EYS: variants seen among roughly 807,000 people sequenced by gnomAD.
EYS encodes the protein protein eyes shut homolog.
Under a neutral mutation model 282.1 loss-of-function variants are expected in EYS, and 250 were observed. That is an observed-to-expected ratio of 0.89 (90% confidence interval 0.80 to 0.98). EYS has a LOEUF of 0.98. Among genes scored for constraint, EYS ranks in the 50% least tolerant of loss-of-function variants. The pLI is 0.00. For synonymous variants in EYS, 1,355 were observed against 1,282.9 expected (o/e 1.06, Z -1.20); for missense variants, 4,016 against 3,709.0 (o/e 1.08, Z -2.15).
chr6:64,154,791 T>C (rs1357737381), intron 31 of EYS, among the ~76,000 whole-genome samples: 2 of 152,174 alleles, frequency 1.3e-5, no homozygotes, highest in Non-Finnish European at 2.9e-5. Context: ...ATATACACAA[T>C]TGTGTGTTCC....
chr6:65,577,448 A>G (rs1038419211), intron 2 of EYS, among the ~76,000 whole-genome samples: 1 of 151,912 alleles, frequency 6.6e-6, no homozygotes, highest in Non-Finnish European at 1.5e-5. Context: ...AGCCTTTAAC[A>G]TAAGACATGA....
chr6:64,182,826 T>A (rs898790854), intron 31 of EYS, among the ~76,000 whole-genome samples: 5 of 152,116 alleles, frequency 3.3e-5, no homozygotes, highest in Admixed American at 3.3e-4. Context: ...GTACACACTT[T>A]CCTGTGCCTG....
At chr6:65,117,747 G>T (rs1034604373) in intron 12 of EYS, among the ~76,000 whole-genome samples, 4 of 152,114 alleles carry the variant, frequency 2.6e-5, no homozygotes, top group Middle Eastern at 3.2e-3. Context: ...AAAAGAATGG[G>T]CAACTGAAAG....
intron 38 of EYS, among the ~76,000 whole-genome samples, chr6:63,788,767 C>T (rs1475080268): frequency 6.6e-6 from 1 of 152,214 alleles, no homozygotes; most frequent in Non-Finnish European, 1.5e-5. Context: ...TAAGCTAATA[C>T]TGGCCATTGT....
intron 20 of EYS, among the ~76,000 whole-genome samples, 200 bp downstream of exon 20, chr6:64,822,451 A>G (rs1764925891): frequency 6.6e-6 from 1 of 152,044 alleles, no homozygotes; most frequent in African/African-American, 2.4e-5. Context: ...ATGAACAGAA[A>G]TAAAAGAAGG....
At chr6:65,407,357 G>C (rs1004021110) in intron 5 of EYS, among the ~76,000 whole-genome samples, 2 of 152,090 alleles carry the variant, frequency 1.3e-5, no homozygotes, top group Non-Finnish European at 2.9e-5. Flanking sequence ...CTGCATTCAA[G>C]TGATTCTCCT....
chr6:63,884,360 A>G (rs765292326), intron 35 of EYS, among the ~76,000 whole-genome samples: 5 of 152,130 alleles, frequency 3.3e-5, no homozygotes, highest in Non-Finnish European at 5.9e-5. Flanking sequence ...GTAACTTTTC[A>G]CTTATTTTTA....
intron 31 of EYS, among the ~76,000 whole-genome samples, chr6:64,120,053 A>C (rs552569790): frequency 8.5e-5 from 13 of 152,140 alleles, no homozygotes; most frequent in South Asian, 6.2e-4. Flanking sequence ...TTTTAGAAAA[A>C]CGTATATCTT....
At chr6:64,322,851 A>T (rs948075588) in intron 29 of EYS, among the ~76,000 whole-genome samples, 1 of 152,062 alleles carries the variant, frequency 6.6e-6, no homozygotes, top group Admixed American at 6.6e-5. Context: ...TCTCTGGACA[A>T]TGGAACCAGA....
intron 12 of EYS, among the ~76,000 whole-genome samples, chr6:65,165,351 T>A (rs9445480): frequency 0.12 from 17,919 of 150,822 alleles, 1,378 homozygotes; most frequent in African/African-American, 0.21. Context: ...TCCTGTTTGC[T>A]CAAACAATAT....
chr6:64,314,534 TA>T (rs58792387), intron 29 of EYS, among the ~76,000 whole-genome samples: 14 of 151,958 alleles, frequency 9.2e-5, no homozygotes, highest in African/African-American at 3.4e-4. Flanking sequence ...TAATTGGAAG[TA>T]AAACACTCCT....
intron 14 of EYS, 118 bp downstream of exon 14, chr6:64,997,463 TA>T: frequency 1.1e-6 from 1 of 872,382 alleles, no homozygotes; most frequent in Non-Finnish European, 1.6e-6. Context: ...CCTTGAGAAG[TA>T]AGCATATGTA....
intron 2 of EYS, among the ~76,000 whole-genome samples, chr6:65,531,227 C>A (rs912222061): frequency 6.6e-6 from 1 of 151,986 alleles, no homozygotes. Flanking sequence ...GTTCTCCCGG[C>A]AAGAGGGAAA....
intron 12 of EYS, among the ~76,000 whole-genome samples, chr6:65,216,750 CTGTTA>C (rs1342017449): frequency 6.6e-6 from 1 of 151,686 alleles, no homozygotes; most frequent in African/African-American, 2.4e-5. Flanking sequence ...CAATCTTAAA[CTGTTA>C]TAATTTACTT....
At position 64,668,411 on chromosome 6, in the gene EYS, T is replaced by G. The variant is rs148576680; in HGVS notation, c.3444-42166A>C. 5.0e-3 allele frequency among the ~76,000 whole-genome samples: 764 copies of G among 152,188 alleles called. 4 individuals carry two copies. The highest frequency in any genetic ancestry group is 8.4e-3 in the Non-Finnish European group (572 of 68,008). The stretch of plus-strand genomic sequence containing the variant: ...AGACATTGGAAAAGGTCAAAATAAC[T>G]ATTTTCTCTAAATGCTTATCATATT... On this transcript the variant is annotated intron_variant, in intron 22 of 42. Transcript: ENST00000503581.
chr6:63,964,493 T>G (rs997794057), intron 35 of EYS, among the ~76,000 whole-genome samples: 1 of 152,214 alleles, frequency 6.6e-6, no homozygotes, highest in Non-Finnish European at 1.5e-5. Context: ...GAAAAGGAAC[T>G]GTTGATTTGC....
intron 2 of EYS, among the ~76,000 whole-genome samples, chr6:65,615,561 A>AGAT (rs1766160330): frequency 6.6e-6 from 1 of 152,030 alleles, no homozygotes; most frequent in African/African-American, 2.4e-5. Context: ...TCTTGAGACC[A>AGAT]GATATATATA....
At chr6:63,893,754 G>T (rs1198822099) in intron 35 of EYS, among the ~76,000 whole-genome samples, 2 of 151,978 alleles carry the variant, frequency 1.3e-5, no homozygotes, top group Non-Finnish European at 2.9e-5. Context: ...GTGAAAAAGG[G>T]GAGTCATCAG....
chr6:65,668,587 T>A (rs999279603), intron 1 of EYS, among the ~76,000 whole-genome samples: 1 of 151,922 alleles, frequency 6.6e-6, no homozygotes, highest in East Asian at 1.9e-4. Context: ...AGCTTCCTTG[T>A]CCCTACTTTA....
Sources: gnomAD v4.1 joint callset for allele counts (sites outside exome capture counted in the v4.1 genomes callset) on GRCh38, gnomAD v4.1.1 for gene constraint, MANE v1.5 for transcripts, NCBI Gene and HGNC (gene_info 2026-07-23, HGNC 2026-07-21) for gene names.